Variants in MAGI3 observed in about 807,000 individuals in gnomAD.
MAGI3 encodes membrane-associated guanylate kinase, WW and PDZ domain-containing protein 3.
MAGI3 carries 43 observed loss-of-function variants against 121.8 expected under a neutral mutation model. The observed-to-expected ratio is 0.35, with a 90% CI of 0.28 to 0.46. MAGI3 has a LOEUF of 0.46. MAGI3 is among the 20% of genes least tolerant of loss of function. MAGI3 has a pLI of 1.00. For synonymous variants in MAGI3, 553 were observed against 639.3 expected (o/e 0.86, Z 2.04); for missense variants, 1,547 against 1,797.3 (o/e 0.86, Z 2.52).
In MAGI3 at chr1:113,619,828, C is replaced by G. The variant is rs765591863; in HGVS notation, c.1169C>G (p.Pro390Arg). The G allele has an allele frequency of 9.4e-6, 15 of 1,600,738 alleles. No individual in the cohort carries two copies. Among genetic ancestry groups the G allele is most frequent in the Non-Finnish European group, 1.3e-5 (15 of 1,169,264 alleles). ...LGQVEIGSSKPDMEKSHFTRD... is the reference protein window; with the variant it reads ...LGQVEIGSSKRDMEKSHFTRD... Reference sequence around the variant, plus strand: ...CAGGTTGAAATTGGGTCTTCAAAACCAGGTAAGCATTCTTTTCAATCTTTT... The same window carrying G: ...CAGGTTGAAATTGGGTCTTCAAAACGAGGTAAGCATTCTTTTCAATCTTTT... Residue 390 changes from proline to arginine, a missense_variant and splice_region_variant, in exon 8 of 21, where the codon CCA becomes CGA. Physicochemically the swap from Pro to Arg is moderately radical, Grantham distance 103. Transcript: ENST00000307546.
chr1:113,640,987 C>G (rs1219408206), intron 9 of MAGI3, among the ~76,000 whole-genome samples: 1 of 102,400 alleles, frequency 9.8e-6, no homozygotes, highest in Non-Finnish European at 1.9e-5. Context: ...AATATATATA[C>G]ACTATATATG....
At position 113,476,574 on chromosome 1, in the gene MAGI3, G is replaced by C. The variant is rs185564702; in HGVS notation, c.317-72941G>C. Among the ~76,000 whole-genome samples, 3 of 152,312 alleles carry C rather than the reference G, an allele frequency of 2.0e-5. No homozygotes were observed. In the East Asian group the frequency reaches 5.8e-4, roughly 29 times the overall value. On this transcript the variant is annotated intron_variant, in intron 1 of 20. Coordinates refer to ENST00000307546, the MANE Select transcript of MAGI3 (RefSeq NM_001142782.2). The stretch of plus-strand genomic sequence containing the variant: ...TCCTGAGTTCTAATTTGATTTCGCT[G>C]TGGTTTGAGAGACAGTTTGTTGTGA...
chr1:113,549,555 T>C lies in MAGI3; in HGVS notation c.357T>C (p.Leu119=). 1 of 1,610,098 alleles carries C rather than the reference T, an allele frequency of 6.2e-7. No homozygotes were observed. The highest frequency in any genetic ancestry group is 8.5e-7 in the Non-Finnish European group (1 of 1,178,126). The change falls in exon 2 of 21, where the codon CTT becomes CTC. Residue 119 remains leucine (L), a synonymous_variant. Coordinates refer to ENST00000307546, the MANE Select transcript of MAGI3 (RefSeq NM_001142782.2). ...AAGATTTGCGGCATTACCTAAGTCT[T>C]CAGTTTCAAAAAGGATCAATTGACC... ...INKDLRHYLS[L]QFQKGSIDHK...
At chr1:113,518,020 G>GTC (rs2101622504) in intron 1 of MAGI3, among the ~76,000 whole-genome samples, 1 of 152,028 alleles carries the variant, frequency 6.6e-6, no homozygotes, top group Non-Finnish European at 1.5e-5. Flanking sequence ...TTTCTCCACT[G>GTC]TCATGTACTT....
At position 113,659,185 on chromosome 1, in the gene MAGI3, T is replaced by C; in HGVS notation, c.2735T>C (p.Val912Ala). 1.2e-6 allele frequency: 2 copies of C among 1,614,118 alleles called. No homozygotes were observed. The highest frequency in any genetic ancestry group is 1.7e-6 in the Non-Finnish European group (2 of 1,179,962). The change falls in exon 16 of 21, where the codon GTT becomes GCT. Residue 912 changes from valine to alanine, a missense_variant. Coordinates refer to ENST00000307546, the MANE Select transcript of MAGI3 (RefSeq NM_001142782.2). ...HISAVNGQSI[V>A]ELSHDNIVQL... ...TCTGCAGTGAATGGGCAGTCCATTG[T>C]TGAACTGTCTCATGATAACATTGTT...
chr1:113,455,484 T>C (rs1390531092), intron 1 of MAGI3, among the ~76,000 whole-genome samples: 2 of 152,112 alleles, frequency 1.3e-5, no homozygotes, highest in African/African-American at 2.4e-5. Flanking sequence ...CTCCCTGATC[T>C]GACCTGTTTC....
intron 2 of MAGI3, among the ~76,000 whole-genome samples, chr1:113,551,398 G>A (rs1441013141): frequency 6.6e-6 from 1 of 152,184 alleles, no homozygotes; most frequent in African/African-American, 2.4e-5. Context: ...TAAAAATAAA[G>A]TGGACATCTG....
At chr1:113,585,848 T>A (rs927824749) in intron 4 of MAGI3, among the ~76,000 whole-genome samples, 1 of 152,204 alleles carries the variant, frequency 6.6e-6, no homozygotes, top group Non-Finnish European at 1.5e-5. Flanking sequence ...ATTACCCTGC[T>A]GTTTAAAATA....
intron 18 of MAGI3, 55 bp from the exon 19 acceptor site, chr1:113,673,267 A>C: frequency 6.4e-7 from 1 of 1,558,556 alleles, no homozygotes; most frequent in Non-Finnish European, 8.7e-7. Flanking sequence ...CTTTCTTCAA[A>C]ATGTAAGTAA....
chr1:113,489,013 G>A (rs142154948), intron 1 of MAGI3, among the ~76,000 whole-genome samples: 162 of 152,290 alleles, frequency 1.1e-3, no homozygotes, highest in East Asian at 3.1e-3. Flanking sequence ...ATGGAGACAG[G>A]CATCCTGGCA....
chr1:113,652,458 T>C (rs966487756), intron 14 of MAGI3, among the ~76,000 whole-genome samples: 2 of 152,184 alleles, frequency 1.3e-5, no homozygotes, highest in Non-Finnish European at 2.9e-5. Flanking sequence ...CTTTGGTAAA[T>C]ACCAGGCATT....
At chr1:113,460,865 T>TA (rs1455200664) in intron 1 of MAGI3, among the ~76,000 whole-genome samples, 1 of 149,974 alleles carries the variant, frequency 6.7e-6, no homozygotes. Context: ...CTCCAGCTGA[T>TA]ACACAGCTTC....
At chr1:113,472,866 A>G (rs1455818494) in intron 1 of MAGI3, among the ~76,000 whole-genome samples, 2 of 152,122 alleles carry the variant, frequency 1.3e-5, no homozygotes, top group East Asian at 3.9e-4. Context: ...TTTTGCTCCC[A>G]CCACATTTTA....
chr1:113,447,030 G>T (rs140998523), intron 1 of MAGI3, among the ~76,000 whole-genome samples: 1 of 152,190 alleles, frequency 6.6e-6, no homozygotes, highest in Non-Finnish European at 1.5e-5. Flanking sequence ...TATTTAATGG[G>T]TAAACAGTTT....
At chr1:113,629,528 G>A (rs1338717830) in intron 9 of MAGI3, among the ~76,000 whole-genome samples, 1 of 152,114 alleles carries the variant, frequency 6.6e-6, no homozygotes, top group African/African-American at 2.4e-5. Context: ...GGCATTTATT[G>A]TAGTTTTTGC....
At chr1:113,392,990 G>A (rs1284281802) in intron 1 of MAGI3, among the ~76,000 whole-genome samples, 1 of 152,198 alleles carries the variant, frequency 6.6e-6, no homozygotes, top group Non-Finnish European at 1.5e-5. Context: ...TTAGGGCATA[G>A]ATGAGAATAT....
At chr1:113,561,049 T>C (rs1279916831) in intron 2 of MAGI3, among the ~76,000 whole-genome samples, 1 of 152,162 alleles carries the variant, frequency 6.6e-6, no homozygotes, top group East Asian at 1.9e-4. Flanking sequence ...ATATACACCC[T>C]GTCAAGGCTG....
chr1:113,607,796 C>G (rs1001000532), intron 6 of MAGI3, among the ~76,000 whole-genome samples: 1 of 152,080 alleles, frequency 6.6e-6, no homozygotes, highest in Non-Finnish European at 1.5e-5. Flanking sequence ...CCCTTGCTGT[C>G]CATTGTCAGC....
intron 14 of MAGI3, among the ~76,000 whole-genome samples, 200 bp downstream of exon 14, chr1:113,651,406 T>C (rs1653155930): frequency 6.6e-6 from 1 of 152,188 alleles, no homozygotes; most frequent in Non-Finnish European, 1.5e-5. Flanking sequence ...AAAATAAATT[T>C]TGGGCTTCTA....
Sources: allele counts gnomAD v4.1 joint callset (sites outside exome capture counted in the v4.1 genomes callset), GRCh38; gene constraint gnomAD v4.1.1; transcripts MANE v1.5; gene names NCBI Gene and HGNC (gene_info 2026-07-23, HGNC 2026-07-21).